PYGO1: variants seen among roughly 807,000 people sequenced by gnomAD.
PYGO1 encodes pygopus family PHD finger 1.
Under a neutral mutation model 29.5 loss-of-function variants are expected in PYGO1, and 6 were observed. The observed-to-expected ratio is 0.20, with a 90% CI of 0.11 to 0.40. PYGO1 has a LOEUF of 0.40. Ranked by LOEUF, PYGO1 falls within the 10% of genes least tolerant of loss-of-function variation. The probability of loss-of-function intolerance (pLI) is 1.00; values close to 1 mark genes in which losing one functional copy is unlikely to be tolerated. For synonymous variants in PYGO1, 186 were observed against 180.5 expected, an observed-to-expected ratio of 1.03 and a Z score of -0.24; for missense variants, 515 against 514.9, an observed-to-expected ratio of 1.00 and a Z score of 0.00.
intron 1 of PYGO1, among the ~76,000 whole-genome samples, chr15:55,564,473 T>C (rs925099222): frequency 6.6e-6 from 1 of 152,108 alleles, no homozygotes; most frequent in African/African-American, 2.4e-5. Context: ...TAATATAGAA[T>C]TAGAAAGTAG....
intron 1 of PYGO1, among the ~76,000 whole-genome samples, chr15:55,554,383 G>A (rs915133161): frequency 3.3e-5 from 5 of 151,208 alleles, no homozygotes; most frequent in Non-Finnish European, 5.9e-5. Context: ...GTGGGAGAAT[G>A]GCGTGAACAT....
chr15:55,539,829 T>C lies in PYGO1; in HGVS notation c.*6194A>G, dbSNP rs1380139878. 1.3e-5 allele frequency: 2 copies of C among 152,058 alleles called. No homozygotes were observed. The highest frequency in any genetic ancestry group is 4.8e-5 in the African/African-American group (2 of 41,460). The allele number at this position is 152,058 out of a possible 1,614,324, so 9.4% of individuals were successfully genotyped here. ...AATATGATGCAGTATAGAGATATCA[T>C]TAACATAACATAGGTAGACATTTTG... On this transcript the variant is annotated 3_prime_UTR_variant, in exon 3 of 3. Transcript: ENST00000563719.
intron 1 of PYGO1, among the ~76,000 whole-genome samples, chr15:55,587,008 ATAG>A (rs1314586231): frequency 9.2e-5 from 14 of 152,368 alleles, no homozygotes; most frequent in East Asian, 1.9e-4. Flanking sequence ...TGTCTAGCAC[ATAG>A]TAGATGTTCA....
intron 1 of PYGO1, among the ~76,000 whole-genome samples, chr15:55,571,812 A>C (rs1299493350): frequency 6.6e-6 from 1 of 152,194 alleles, no homozygotes; most frequent in Non-Finnish European, 1.5e-5. Context: ...TTTTTGAGGA[A>C]CCATCAAGCT....
At chr15:55,583,286 T>C (rs779580208) in intron 1 of PYGO1, among the ~76,000 whole-genome samples, 2 of 152,164 alleles carry the variant, frequency 1.3e-5, no homozygotes, top group Non-Finnish European at 2.9e-5. Context: ...TAATGAATTA[T>C]CCTCTTTCTG....
At chr15:55,577,108 T>G (rs2059006332) in intron 1 of PYGO1, among the ~76,000 whole-genome samples, 1 of 152,206 alleles carries the variant, frequency 6.6e-6, no homozygotes, top group Admixed American at 6.5e-5. Flanking sequence ...TTCAAAGATG[T>G]GGGACAGAAA....
chr15:55,565,401 T>C (rs111585512), intron 1 of PYGO1, among the ~76,000 whole-genome samples: 5 of 152,076 alleles, frequency 3.3e-5, no homozygotes, highest in African/African-American at 1.2e-4. Flanking sequence ...ATAATGTATA[T>C]TTAAAAATCA....
At chr15:55,580,334 C>T (rs1309546280) in intron 1 of PYGO1, among the ~76,000 whole-genome samples, 1 of 152,114 alleles carries the variant, frequency 6.6e-6, no homozygotes, top group Non-Finnish European at 1.5e-5. Flanking sequence ...CTGTTCTCTT[C>T]ACACCCACTC....
At chr15:55,558,503 A>G (rs1351735097) in intron 1 of PYGO1, among the ~76,000 whole-genome samples, 1 of 152,214 alleles carries the variant, frequency 6.6e-6, no homozygotes, top group Non-Finnish European at 1.5e-5. Flanking sequence ...AATACTTTAA[A>G]GTTCATATGG....
At chr15:55,560,186 C>A (rs182762727) in intron 1 of PYGO1, among the ~76,000 whole-genome samples, 2 of 152,142 alleles carry the variant, frequency 1.3e-5, no homozygotes, top group East Asian at 1.9e-4. Flanking sequence ...CTGGTCAGGG[C>A]AATCAGGCAA....
chr15:55,574,546 T>C (rs1188464466), intron 1 of PYGO1, among the ~76,000 whole-genome samples: 2 of 152,210 alleles, frequency 1.3e-5, no homozygotes, highest in Non-Finnish European at 2.9e-5. Flanking sequence ...AATTTGTTGG[T>C]ATTTCTAGGC....
rs1488786536 is a variant in PYGO1 at position 55,545,637 on chromosome 15, T to C, written c.*386A>G. 6.3e-6 allele frequency: 1 copy of C among 158,966 alleles called. No homozygotes were observed. The highest frequency in any genetic ancestry group is 1.4e-5 in the Non-Finnish European group (1 of 72,618). 9.8% of individuals were successfully genotyped at this position (158,966 alleles called of 1,614,324 possible). ...CGTGTTAAGTGGATCCTTGATAAAC[T>C]TTTTGAACTAAATCTTTAATATGGT... On this transcript the variant is annotated 3_prime_UTR_variant, in exon 3 of 3. Transcript: ENST00000563719.
intron 2 of PYGO1, among the ~76,000 whole-genome samples, chr15:55,548,476 G>A (rs1364158033): frequency 1.3e-5 from 2 of 151,654 alleles, no homozygotes; most frequent in Non-Finnish European, 2.9e-5. Flanking sequence ...GGGAGGCCGA[G>A]GCGGGTGGAT....
intron 1 of PYGO1, among the ~76,000 whole-genome samples, chr15:55,578,572 C>G (rs1027536918): frequency 2.6e-5 from 4 of 152,132 alleles, no homozygotes; most frequent in African/African-American, 9.7e-5. Flanking sequence ...TGATATCTCA[C>G]TGTGGTTTTG....
At chr15:55,553,242 T>G (rs6493796) in intron 1 of PYGO1, among the ~76,000 whole-genome samples, 56,089 of 151,814 alleles carry the variant, frequency 0.37, 10,704 homozygotes, top group Middle Eastern at 0.48. Flanking sequence ...ACTCTCCCCA[T>G]GATGGAGCCC....
At chr15:55,562,497 C>G (rs1384272867) in intron 1 of PYGO1, among the ~76,000 whole-genome samples, 2 of 151,980 alleles carry the variant, frequency 1.3e-5, no homozygotes, top group African/African-American at 4.8e-5. Context: ...CATGGTGAAA[C>G]CCTGTCTTTA....
chr15:55,553,469 C>G (rs2058889286), intron 1 of PYGO1, among the ~76,000 whole-genome samples: 1 of 151,808 alleles, frequency 6.6e-6, no homozygotes. Context: ...AGCCTTGGCT[C>G]ACTGCAACCT....
At chr15:55,565,559 A>G (rs910963230) in intron 1 of PYGO1, among the ~76,000 whole-genome samples, 3 of 151,706 alleles carry the variant, frequency 2.0e-5, no homozygotes, top group African/African-American at 7.3e-5. Context: ...AAAATTAAAA[A>G]AAAAAAATTA....
At chr15:55,578,112 T>C (rs1004394772) in intron 1 of PYGO1, among the ~76,000 whole-genome samples, 2 of 152,238 alleles carry the variant, frequency 1.3e-5, no homozygotes, top group African/African-American at 2.4e-5. Context: ...TTTTTGTACA[T>C]AGCTTCTTTC....
Sources: gnomAD v4.1 joint callset for allele counts (sites outside exome capture counted in the v4.1 genomes callset) on GRCh38, gnomAD v4.1.1 for gene constraint, MANE v1.5 for transcripts, NCBI Gene and HGNC (gene_info 2026-07-23, HGNC 2026-07-21) for gene names.